Variants in TYW3 observed in about 807,000 individuals in gnomAD.
TYW3 encodes the protein tRNA-yW synthesizing protein 3 homolog.
In TYW3, 26 loss-of-function variants were observed where a neutral mutation model predicts 23.1. The observed-to-expected ratio is 1.13, with a 90% CI of 0.83 to 1.56. The LOEUF (loss-of-function observed/expected upper bound fraction) is 1.56, where lower values mean the gene tolerates loss of function less well. Among genes scored for constraint, TYW3 ranks in the 40% most tolerant of loss-of-function variants. The pLI is 0.00. For synonymous variants in TYW3, 102 were observed against 105.7 expected (o/e 0.97, Z 0.21); for missense variants, 316 against 311.9 (o/e 1.01, Z -0.10).
At chr1:74,749,250 G>T (rs1648693854) in intron 4 of TYW3, among the ~76,000 whole-genome samples, 1 of 152,164 alleles carries the variant, frequency 6.6e-6, no homozygotes, top group South Asian at 2.1e-4. Context: ...ACTGTCGTAG[G>T]GCCACATTCA....
At chr1:74,735,973 G>A (rs936053859) in intron 1 of TYW3, among the ~76,000 whole-genome samples, 2 of 152,140 alleles carry the variant, frequency 1.3e-5, no homozygotes, top group African/African-American at 4.8e-5. Flanking sequence ...TTCAATTTAA[G>A]TTAATATTAA....
At chr1:74,741,562 CA>C (rs1648363901) in intron 3 of TYW3, among the ~76,000 whole-genome samples, 1 of 152,224 alleles carries the variant, frequency 6.6e-6, no homozygotes, top group Non-Finnish European at 1.5e-5. Context: ...ATTTGACTAA[CA>C]CTGGATCTCC....
At chr1:74,735,716 G>T (rs796690197) in intron 1 of TYW3, among the ~76,000 whole-genome samples, 9 of 152,284 alleles carry the variant, frequency 5.9e-5, no homozygotes, top group African/African-American at 2.2e-4. Context: ...CACAATGTCA[G>T]ATACGTAAGT....
chr1:74,754,781 G>A (rs1648899898), intron 5 of TYW3, among the ~76,000 whole-genome samples: 1 of 152,136 alleles, frequency 6.6e-6, no homozygotes, highest in Non-Finnish European at 1.5e-5. Flanking sequence ...TATCCATTGG[G>A]TTCCTGTTGT....
chr1:74,740,476 G>A (rs1486081244), intron 3 of TYW3, among the ~76,000 whole-genome samples: 4 of 152,050 alleles, frequency 2.6e-5, no homozygotes, highest in Non-Finnish European at 5.9e-5. Context: ...GGCTCGGGTG[G>A]ACAGTTTTTA....
At chr1:74,735,013 T>C (rs3806160) in intron 1 of TYW3, among the ~76,000 whole-genome samples, 104,257 of 151,976 alleles carry the variant, frequency 0.69, 35,921 homozygotes, top group East Asian at 0.78. Flanking sequence ...TCCATCACCT[T>C]CAGAGCAATG....
chr1:74,736,411 T>G, intron 1 of TYW3, 131 bp from the exon 2 acceptor site: 1 of 576,338 alleles, frequency 1.7e-6, no homozygotes, highest in Non-Finnish European at 2.7e-6. Context: ...CATACCGAAT[T>G]GTTTTTATTA....
intron 3 of TYW3, among the ~76,000 whole-genome samples, chr1:74,746,141 G>T (rs1488343283): frequency 2.6e-5 from 4 of 152,206 alleles, no homozygotes; most frequent in African/African-American, 9.7e-5. Context: ...TAGAAGTCTG[G>T]AACTCAGGGG....
chr1:74,748,683 T>G, intron 3 of TYW3, 68 bp from the exon 4 acceptor site: 1 of 1,496,420 alleles, frequency 6.7e-7, no homozygotes, highest in South Asian at 1.1e-5. Flanking sequence ...TTTCTGTAGT[T>G]TGTGGAGCCA....
rs1649245492 is a variant in TYW3 at position 74,764,713 on chromosome 1, T to C, written c.*600T>C. On this transcript the variant is annotated 3_prime_UTR_variant, in exon 6 of 6. Coordinates refer to ENST00000370867, the MANE Select transcript of TYW3 (RefSeq NM_138467.3). ...TATAGGAACAAAGATTTGGGAATAA[T>C]TGATTACAGGTGAGGAAGTACTGGA... 1 of 152,138 alleles carries C rather than the reference T, an allele frequency of 6.6e-6. No homozygotes were observed. The highest frequency in any genetic ancestry group is 2.1e-4 in the South Asian group (1 of 4,830). The allele number at this position is 152,138 out of a possible 1,614,324, so 9.4% of individuals were successfully genotyped here. A position where few individuals can be genotyped will look rare whatever the true frequency, so the allele number is the denominator to read the frequency against.
intron 5 of TYW3, among the ~76,000 whole-genome samples, chr1:74,756,043 G>T (rs1005772422): frequency 6.6e-6 from 1 of 152,180 alleles, no homozygotes; most frequent in African/African-American, 2.4e-5. Flanking sequence ...CTGCTGCCAT[G>T]TGAGACATGC....
intron 5 of TYW3, among the ~76,000 whole-genome samples, chr1:74,761,429 C>T (rs76071269): frequency 0.014 from 2,079 of 150,846 alleles, 26 homozygotes; most frequent in East Asian, 0.05. Context: ...TGTTAATTCT[C>T]GGTGATCATA....
rs111274467 is a variant in TYW3, at chr1:74,747,354, C to T, written c.355-1397C>T. Among the ~76,000 whole-genome samples, 1,474 of 152,146 alleles carry T rather than the reference C, an allele frequency of 9.7e-3. 31 individuals are homozygous for T. The highest frequency in any genetic ancestry group is 0.033 in the African/African-American group (1,387 of 41,510). On this transcript the variant is annotated intron_variant, in intron 3 of 5. Coordinates refer to ENST00000370867, the MANE Select transcript of TYW3 (RefSeq NM_138467.3). ...GTCATTTTACTGTAATTAGAAAGACCGGGCCAGGCGCGGTGGCTCACGCCT... is the reference window on the plus strand; with the variant it reads ...GTCATTTTACTGTAATTAGAAAGACTGGGCCAGGCGCGGTGGCTCACGCCT...
At chr1:74,761,929 A>G (rs970321386) in intron 5 of TYW3, among the ~76,000 whole-genome samples, 3 of 152,084 alleles carry the variant, frequency 2.0e-5, no homozygotes, top group African/African-American at 7.2e-5. Context: ...TGGTGTCTAC[A>G]GGGGAGCCAG....
At chr1:74,742,622 T>G (rs957430805) in intron 3 of TYW3, among the ~76,000 whole-genome samples, 1 of 152,144 alleles carries the variant, frequency 6.6e-6, no homozygotes, top group African/African-American at 2.4e-5. Flanking sequence ...TCCTTCACCT[T>G]TCCGATGGCT....
chr1:74,762,199 A>T (rs1031313331), intron 5 of TYW3, among the ~76,000 whole-genome samples: 2 of 152,118 alleles, frequency 1.3e-5, no homozygotes, highest in Non-Finnish European at 2.9e-5. Context: ...ATCATGTTGT[A>T]TATGTATTAG....
At chr1:74,738,120 A>C (rs893187480) in intron 2 of TYW3, among the ~76,000 whole-genome samples, 8 of 151,906 alleles carry the variant, frequency 5.3e-5, no homozygotes, top group Non-Finnish European at 1.0e-4. Flanking sequence ...AAAAAAACAA[A>C]CAAAAAAACT....
intron 3 of TYW3, among the ~76,000 whole-genome samples, chr1:74,743,788 C>G (rs1648447469): frequency 6.6e-6 from 1 of 152,112 alleles, no homozygotes; most frequent in Non-Finnish European, 1.5e-5. Flanking sequence ...CAGGTATCTC[C>G]AAACTCTCGG....
At chr1:74,736,497 G>T in intron 1 of TYW3, 45 bp from the exon 2 acceptor site, 1 of 1,422,934 alleles carries the variant, frequency 7.0e-7, no homozygotes, top group South Asian at 1.4e-5. Flanking sequence ...TATTATTTTT[G>T]TAAAATATTA....
Sources: allele counts gnomAD v4.1 joint callset (sites outside exome capture counted in the v4.1 genomes callset), GRCh38; gene constraint gnomAD v4.1.1; transcripts MANE v1.5; gene names NCBI Gene and HGNC (gene_info 2026-07-23, HGNC 2026-07-21).